Variants in FAM219A observed in about 807,000 individuals in gnomAD.
FAM219A encodes protein FAM219A.
Under a neutral mutation model 23.4 loss-of-function variants are expected in FAM219A, and 7 were observed. The observed-to-expected ratio is 0.30, with a 90% CI of 0.17 to 0.56. The LOEUF (loss-of-function observed/expected upper bound fraction) is 0.56, where lower values mean the gene tolerates loss of function less well. Among genes scored for constraint, FAM219A ranks in the 20% least tolerant of loss-of-function variants. The pLI is 0.92. For synonymous variants in FAM219A, 93 were observed against 99.0 expected, an observed-to-expected ratio of 0.94 and a Z score of 0.36; for missense variants, 166 against 246.9, an observed-to-expected ratio of 0.67 and a Z score of 2.20.
chr9:34,406,484 G>A, intron 1 of FAM219A: 4 of 985,408 alleles, frequency 4.1e-6, no homozygotes, highest in Non-Finnish European at 4.8e-6. Flanking sequence ...CAGCCTTCAA[G>A]GCTACAGCCA....
intron 1 of FAM219A, among the ~76,000 whole-genome samples, chr9:34,441,761 G>A (rs1295757622): frequency 1.3e-5 from 2 of 152,042 alleles, no homozygotes; most frequent in African/African-American, 2.4e-5. Context: ...ACAGGGTCTC[G>A]CTCTGTTACC....
intron 1 of FAM219A, among the ~76,000 whole-genome samples, chr9:34,432,999 A>C (rs867111794): frequency 3.9e-5 from 6 of 152,320 alleles, no homozygotes; most frequent in Middle Eastern, 3.4e-3. Flanking sequence ...TGCCTGGCTT[A>C]TTATTGAAAT....
intron 2 of FAM219A, 31 bp downstream of exon 2, chr9:34,405,834 C>T: frequency 1.9e-6 from 3 of 1,606,578 alleles, no homozygotes; most frequent in Middle Eastern, 1.7e-4. Flanking sequence ...GCCTACTCCC[C>T]ACATCTCCCT....
At chr9:34,414,851 C>T (rs1821941932) in intron 1 of FAM219A, among the ~76,000 whole-genome samples, 1 of 152,252 alleles carries the variant, frequency 6.6e-6, no homozygotes, top group Non-Finnish European at 1.5e-5. Flanking sequence ...AGTCAACACA[C>T]TGAGTGTCCA....
intron 1 of FAM219A, among the ~76,000 whole-genome samples, chr9:34,440,718 C>T (rs1021245424): frequency 1.8e-4 from 27 of 151,862 alleles, no homozygotes; most frequent in Non-Finnish European, 3.2e-4. Flanking sequence ...GGCATGGTGG[C>T]GGGCGCCTGT....
At chr9:34,418,919 C>T (rs996521224) in intron 1 of FAM219A, among the ~76,000 whole-genome samples, 3 of 151,952 alleles carry the variant, frequency 2.0e-5, no homozygotes, top group Admixed American at 1.3e-4. Flanking sequence ...AAAACACACA[C>T]AAAAAATTAG....
In FAM219A at chr9:34,417,513, A is replaced by G. The variant is rs1358517910; in HGVS notation, c.61-11549T>C. Among the ~76,000 whole-genome samples, 2 of 152,334 alleles carry G rather than the reference A, an allele frequency of 1.3e-5. No individual in the cohort carries two copies. Among genetic ancestry groups the G allele is most frequent in the Non-Finnish European group, 2.9e-5 (2 of 68,028 alleles). On this transcript the variant is annotated intron_variant, in intron 1 of 5. Coordinates refer to ENST00000651358, the MANE Select transcript of FAM219A (RefSeq NM_001184940.2). This position sits in a 1 kb window ranked among gnomAD's most constrained non-coding sequence, Gnocchi z 4.1. ...TAATGCTACACTGAAATCCACATAT[A>G]TTTACATTTAGGATCATTTCCTAAA...
intron 2 of FAM219A, among the ~76,000 whole-genome samples, chr9:34,403,312 T>C (rs1299073633): frequency 6.6e-6 from 1 of 152,210 alleles, no homozygotes; most frequent in African/African-American, 2.4e-5. Context: ...ATTCAACAAA[T>C]ATCCATGTCA....
Position 34,401,140 on chromosome 9 carries a change from G to A in FAM219A, c.400-18C>T. ...TTGATCTGCTGTAGGCAAAGGGGAG[G>A]GAGGTCAGGCCCGAGCGGCAGGGAG... On this transcript the variant is annotated intron_variant, in intron 5 of 5. Coordinates refer to ENST00000651358, the MANE Select transcript of FAM219A (RefSeq NM_001184940.2). The A allele has an allele frequency of 6.2e-7, 1 of 1,612,114 alleles. No individual in the cohort carries two copies. The highest frequency in any genetic ancestry group is 8.5e-7 in the Non-Finnish European group (1 of 1,179,240).
At chr9:34,454,026 C>A (rs1564020816) in intron 1 of FAM219A, among the ~76,000 whole-genome samples, 1 of 152,222 alleles carries the variant, frequency 6.6e-6, no homozygotes, top group African/African-American at 2.4e-5. Context: ...GTGCCTATCC[C>A]TGGCAGTTTC....
chr9:34,439,126 G>A (rs565395631), intron 1 of FAM219A, among the ~76,000 whole-genome samples: 22 of 152,302 alleles, frequency 1.4e-4, no homozygotes, highest in Non-Finnish European at 2.1e-4. Flanking sequence ...CCAGAAGGAA[G>A]AAACTCCGAA....
chr9:34,458,277 G>A lies in FAM219A; in HGVS notation c.-14C>T. On this transcript the variant is annotated 5_prime_UTR_variant, in exon 1 of 6. Coordinates refer to ENST00000651358, the MANE Select transcript of FAM219A (RefSeq NM_001184940.2). This position sits in a 1 kb window ranked among gnomAD's most constrained non-coding sequence, Gnocchi z 6.6. ...CTCCTCCATCATGGTGCCGGCGGGC[G>A]AGCGGGCCAGGGGCCGGGCGCGGCC... 6.5e-7 allele frequency: 1 copy of A among 1,529,616 alleles called. No individual in the cohort carries two copies. Among genetic ancestry groups the A allele is most frequent in the South Asian group, 1.2e-5 (1 of 82,328 alleles). 94.8% of individuals were successfully genotyped at this position (1,529,616 alleles called of 1,614,324 possible). A position where few individuals can be genotyped will look rare whatever the true frequency, so the allele number is the denominator to read the frequency against.
chr9:34,420,949 C>CAGCCT (rs1052181781), intron 1 of FAM219A, among the ~76,000 whole-genome samples: 1 of 149,936 alleles, frequency 6.7e-6, no homozygotes, highest in African/African-American at 2.5e-5. Context: ...CACTGCACTC[C>CAGCCT]AGCCTGGGTG....
chr9:34,419,115 T>C (rs1390026802), intron 1 of FAM219A, among the ~76,000 whole-genome samples: 1 of 152,110 alleles, frequency 6.6e-6, no homozygotes, highest in Non-Finnish European at 1.5e-5. Context: ...AGCCCCATGA[T>C]GGTTAAAATG....
Position 34,427,232 on chromosome 9 carries a change from C to T in FAM219A, c.61-21268G>A, listed in dbSNP as rs567214925. ...AGTTGCCCAGGCTGGAGTGCAGTGG[C>T]GCAATCTCGGCTCACTGCAGCCTCA... On this transcript the variant is annotated intron_variant, in intron 1 of 5. Transcript: ENST00000651358. Among the ~76,000 whole-genome samples, 10 of 152,214 alleles carry T rather than the reference C, an allele frequency of 6.6e-5. No homozygotes were observed. The South Asian group carries it at 1.9e-3, about 28-fold the overall frequency.
intron 1 of FAM219A, among the ~76,000 whole-genome samples, chr9:34,445,220 T>C (rs1464547791): frequency 6.6e-6 from 1 of 152,226 alleles, no homozygotes; most frequent in Non-Finnish European, 1.5e-5. Flanking sequence ...TATTCTTCTG[T>C]AGTTCTGTTT....
chr9:34,438,192 A>C (rs1823000236), intron 1 of FAM219A, among the ~76,000 whole-genome samples: 1 of 152,204 alleles, frequency 6.6e-6, no homozygotes, highest in South Asian at 2.1e-4. Flanking sequence ...GCAGCCCGCC[A>C]TGCTTGAGCC....
Position 34,430,636 on chromosome 9 carries a change from C to CAAAAAAAAAAAA in FAM219A, c.61-24684_61-24673dup, listed in dbSNP as rs757627612. On this transcript the variant is annotated intron_variant, in intron 1 of 5. Coordinates refer to ENST00000651358, the MANE Select transcript of FAM219A (RefSeq NM_001184940.2). ...TGGGTGACAGAGCAAGACTCCGTCT[C>CAAAAAAAAAAAA]AAAAAAAAAAAAAAAAAAAAAGACA... Among the ~76,000 whole-genome samples, 34 of 56,270 alleles carry CAAAAAAAAAAAA rather than the reference C, an allele frequency of 6.0e-4. No individual in the cohort carries two copies. In the East Asian group the frequency reaches 7.6e-3, roughly 13 times the overall value. The allele number at this position is 56,270 out of a possible 152,430, so 36.9% of individuals were successfully genotyped here.
In FAM219A at chr9:34,417,488, T is replaced by A. The variant is rs1822078969; in HGVS notation, c.61-11524A>T. ...GTTTGCAACTTTTCACTATTATAGA[T>A]AATGCTACACTGAAATCCACATATA... On this transcript the variant is annotated intron_variant, in intron 1 of 5. Coordinates refer to ENST00000651358, the MANE Select transcript of FAM219A (RefSeq NM_001184940.2). This position sits in a 1 kb window ranked among gnomAD's most constrained non-coding sequence, Gnocchi z 4.1. Among the ~76,000 whole-genome samples, 1 of 152,224 alleles carries A rather than the reference T, an allele frequency of 6.6e-6. No homozygotes were observed. The highest frequency in any genetic ancestry group is 1.5e-5 in the Non-Finnish European group (1 of 68,034).
Sources: allele counts gnomAD v4.1 joint callset (sites outside exome capture counted in the v4.1 genomes callset), GRCh38; gene constraint gnomAD v4.1.1; non-coding constraint Gnocchi (gnomAD v3.1); transcripts MANE v1.5; gene names NCBI Gene and HGNC (gene_info 2026-07-23, HGNC 2026-07-21).